Variants in KCNN3 observed in about 807,000 individuals in gnomAD.
KCNN3 encodes potassium calcium-activated channel subfamily N member 3, also known as small conductance calcium-activated potassium channel protein 3.
In KCNN3, 16 loss-of-function variants were observed where a neutral mutation model predicts 62.9. The observed-to-expected ratio is 0.25, with a 90% CI of 0.17 to 0.39. The LOEUF is 0.39. Among genes scored for constraint, KCNN3 ranks in the 10% least tolerant of loss-of-function variants. The probability of loss-of-function intolerance (pLI) is 1.00; values close to 1 mark genes in which losing one functional copy is unlikely to be tolerated. For missense variants in KCNN3, 599 were observed against 949.4 expected (o/e 0.63, Z 4.85); for synonymous variants, 370 against 389.2 (o/e 0.95, Z 0.58).
intron 3 of KCNN3, among the ~76,000 whole-genome samples, chr1:154,754,374 A>G (rs1032454098): frequency 4.6e-5 from 7 of 152,232 alleles, no homozygotes; most frequent in East Asian, 3.9e-4. Flanking sequence ...TGGGAGTGGC[A>G]TAAGGATGGG....
chr1:154,772,415 T>G lies in KCNN3; in HGVS notation c.1030-22A>C. The G allele has an allele frequency of 1.2e-6, 2 of 1,612,890 alleles. No homozygotes were observed. The highest frequency in any genetic ancestry group is 1.7e-6 in the Non-Finnish European group (2 of 1,179,494). ...AGAGCTGGTGGGAGCAGAAAGTCCA[T>G]TAGTGTGGCCAGGACCAGGAAGCCC... On this transcript the variant is annotated intron_variant, in intron 2 of 7. Transcript: ENST00000271915. The surrounding 1 kb of genome is among the most constrained non-coding windows in gnomAD (Gnocchi z 5.6).
In KCNN3 at chr1:154,743,456, G is replaced by A. The variant is rs150267378; in HGVS notation, c.1449-10312C>T. 2.0e-4 allele frequency among the ~76,000 whole-genome samples: 31 copies of A among 152,190 alleles called. No homozygotes were observed. In the East Asian group the frequency reaches 4.4e-3, roughly 22 times the overall value. The stretch of plus-strand genomic sequence containing the variant: ...GCCTCTCTGAGCCCATCTCACCTTC[G>A]CCCATTGGCCCTGCCACCTGGGGTT... On this transcript the variant is annotated intron_variant, in intron 3 of 7. Coordinates refer to ENST00000271915, the MANE Select transcript of KCNN3 (RefSeq NM_002249.6).
chr1:154,728,050 GA>G (rs1440879612), intron 4 of KCNN3, among the ~76,000 whole-genome samples: 1 of 152,246 alleles, frequency 6.6e-6, no homozygotes, highest in Non-Finnish European at 1.5e-5. Context: ...TAGGCCTGAA[GA>G]GGGAGCTTCC....
chr1:154,705,366 A>C lies in KCNN3; in HGVS notation c.*2610T>G, dbSNP rs1316307270. On this transcript the variant is annotated 3_prime_UTR_variant, in exon 8 of 8. Coordinates refer to ENST00000271915, the MANE Select transcript of KCNN3 (RefSeq NM_002249.6). ...ATAGCCTTCCATTTGCTATTACAGGATCAATGTGCAGGTTTGATCACTTTT... is the reference window on the plus strand; with the variant it reads ...ATAGCCTTCCATTTGCTATTACAGGCTCAATGTGCAGGTTTGATCACTTTT... 1 of 152,230 alleles carries C rather than the reference A, an allele frequency of 6.6e-6. No individual in the cohort carries two copies. Among genetic ancestry groups the C allele is most frequent in the Non-Finnish European group, 1.5e-5 (1 of 68,040 alleles). The allele number at this position is 152,230 out of a possible 1,614,324, so 9.4% of individuals were successfully genotyped here. A position where few individuals can be genotyped will look rare whatever the true frequency, so the allele number is the denominator to read the frequency against.
At chr1:154,737,440 C>G (rs1215701700) in intron 3 of KCNN3, among the ~76,000 whole-genome samples, 1 of 152,010 alleles carries the variant, frequency 6.6e-6, no homozygotes, top group Non-Finnish European at 1.5e-5. Context: ...CCTTACAGCT[C>G]AAAGTTGTTA....
chr1:154,755,578 A>G (rs1317644330), intron 3 of KCNN3, among the ~76,000 whole-genome samples: 5 of 117,774 alleles, frequency 4.2e-5, no homozygotes, highest in East Asian at 3.0e-4. Flanking sequence ...GAGAGAGAGA[A>G]AGAAAGAAAG....
rs574295097 is a variant in KCNN3, at chr1:154,839,044, G to A, written c.934-16860C>T. 2.6e-4 allele frequency among the ~76,000 whole-genome samples: 39 copies of A among 152,182 alleles called. 1 individual carries two copies. In the South Asian group the frequency reaches 7.5e-3, roughly 29 times the overall value. On this transcript the variant is annotated intron_variant, in intron 1 of 7. Coordinates refer to ENST00000271915, the MANE Select transcript of KCNN3 (RefSeq NM_002249.6). ...TCCCTCCCCATGTTGGAGGGCAGTC[G>A]GGTCACTCCATGGGAAAAACAGCAA... is the stretch of plus-strand genomic sequence containing the variant.
intron 4 of KCNN3, among the ~76,000 whole-genome samples, chr1:154,729,159 G>A (rs1432425929): frequency 6.6e-6 from 1 of 152,172 alleles, no homozygotes; most frequent in African/African-American, 2.4e-5. Flanking sequence ...GTGTGAGGAG[G>A]GAGGAAGCAG....
At chr1:154,852,420 C>T (rs1652342038) in intron 1 of KCNN3, among the ~76,000 whole-genome samples, 1 of 151,318 alleles carries the variant, frequency 6.6e-6, no homozygotes, top group South Asian at 2.1e-4. Flanking sequence ...TGTTACATTA[C>T]CCAGGCTGGA....
intron 2 of KCNN3, among the ~76,000 whole-genome samples, chr1:154,783,519 A>T (rs1478608916): frequency 1.3e-5 from 2 of 152,082 alleles, no homozygotes; most frequent in Non-Finnish European, 2.9e-5. Context: ...GTCCCTAGCG[A>T]GGAAGAGACC....
intron 1 of KCNN3, among the ~76,000 whole-genome samples, chr1:154,858,527 G>A (rs1652625518): frequency 6.6e-6 from 1 of 152,206 alleles, no homozygotes; most frequent in Non-Finnish European, 1.5e-5. Flanking sequence ...TCTGGCTGGG[G>A]AGAGACCCCC....
intron 3 of KCNN3, among the ~76,000 whole-genome samples, chr1:154,765,067 C>T (rs919120508): frequency 6.6e-6 from 1 of 152,052 alleles, no homozygotes; most frequent in Non-Finnish European, 1.5e-5. Flanking sequence ...TGCCTGTGTG[C>T]CTCTAGGATT....
intron 7 of KCNN3, among the ~76,000 whole-genome samples, chr1:154,710,165 A>C (rs893919261): frequency 6.6e-6 from 1 of 152,238 alleles, no homozygotes; most frequent in Non-Finnish European, 1.5e-5. Flanking sequence ...ATACAGACGT[A>C]ATATGTGGAG....
intron 2 of KCNN3, among the ~76,000 whole-genome samples, chr1:154,804,326 C>T (rs111470416): frequency 6.0e-4 from 92 of 152,366 alleles, no homozygotes; most frequent in Middle Eastern, 3.4e-3. Flanking sequence ...CCCACAGCTT[C>T]GCAAATGCGG....
At chr1:154,714,111 A>ATG (rs1700141828) in intron 6 of KCNN3, among the ~76,000 whole-genome samples, 2 of 2,146 alleles carry the variant, frequency 9.3e-4, no homozygotes, top group African/African-American at 1.9e-3. Context: ...GGTGTGTGTG[A>ATG]TGTGGTGTGT....
chr1:154,781,563 G>A (rs1052784123), intron 2 of KCNN3, among the ~76,000 whole-genome samples: 2 of 152,216 alleles, frequency 1.3e-5, no homozygotes, highest in Non-Finnish European at 2.9e-5. Context: ...TCTCTGTAGT[G>A]GACCCCATGC....
At chr1:154,808,936 CG>C (rs1650292202) in intron 2 of KCNN3, among the ~76,000 whole-genome samples, 1 of 152,142 alleles carries the variant, frequency 6.6e-6, no homozygotes, top group African/African-American at 2.4e-5. Context: ...AGGTGTCGGG[CG>C]GCTCCCGCAG....
At chr1:154,839,259 C>T (rs114291059) in intron 1 of KCNN3, among the ~76,000 whole-genome samples, 2,247 of 152,280 alleles carry the variant, frequency 0.015, 62 homozygotes, top group African/African-American at 0.052. Flanking sequence ...AGTTGTGCTC[C>T]CTCCACCCCC....
rs191374798 is a variant in KCNN3 at position 154,769,406 on chromosome 1, G to C, written c.1448+2569C>G. ...TGTTCCTCTGTGCCTTGGTCTTAGC[G>C]GGGGCTTGTGACCCATGTCTGCAGA... On this transcript the variant is annotated intron_variant, in intron 3 of 7. Coordinates refer to ENST00000271915, the MANE Select transcript of KCNN3 (RefSeq NM_002249.6). Among the ~76,000 whole-genome samples the C allele has an allele frequency of 3.3e-5, 5 of 152,290 alleles. No individual in the cohort carries two copies. In the East Asian group the frequency reaches 5.8e-4, roughly 18 times the overall value.
Sources: gnomAD v4.1 joint callset for allele counts (sites outside exome capture counted in the v4.1 genomes callset) on GRCh38, gnomAD v4.1.1 for gene constraint, Gnocchi (gnomAD v3.1) non-coding constraint, MANE v1.5 for transcripts, NCBI Gene and HGNC (gene_info 2026-07-23, HGNC 2026-07-21) for gene names.